ACER1: variants seen among roughly 807,000 people sequenced by gnomAD.
ACER1 encodes alkaline ceramidase 1, also known as CTB-180A7.3.
In ACER1, 28 loss-of-function variants were observed where a neutral mutation model predicts 24.9. That is an observed-to-expected ratio of 1.13 (90% CI 0.83 to 1.54). The LOEUF is 1.54. Ranked by LOEUF, ACER1 falls within the 40% of genes most tolerant of loss-of-function variation. The pLI is 0.00. For missense variants in ACER1, 352 were observed against 349.3 expected (o/e 1.01, Z -0.06); for synonymous variants, 132 against 131.4 (o/e 1.00, Z -0.03).
upstream of ACER1, chr19:6,333,650 G>A (rs558289679): frequency 3.4e-5 from 35 of 1,023,574 alleles, no homozygotes; most frequent in African/African-American, 3.2e-4. Flanking sequence ...ACAGCCCGGT[G>A]CCCCGCGGCA....
At chr19:6,349,177 G>A in the ACER1 span, among the ~76,000 whole-genome samples, 1 of 150,130 alleles carries the variant, frequency 6.7e-6, no homozygotes, top group South Asian at 2.1e-4. Flanking sequence ...GAAGAAGAAG[G>A]AGGAGGAGGA....
At chr19:6,342,737 A>G in the ACER1 span, among the ~76,000 whole-genome samples, 7 of 152,004 alleles carry the variant, frequency 4.6e-5, no homozygotes, top group Admixed American at 2.6e-4. Context: ...AAATAAATAA[A>G]TACAATAAAA....
At chr19:6,333,320 C>G in intron 1 of ACER1, 139 bp downstream of exon 1, 1 of 627,202 alleles carries the variant, frequency 1.6e-6, no homozygotes, top group Non-Finnish European at 2.6e-6. Flanking sequence ...AAAGCTGGCA[C>G]TCTTTGGCTA....
chr19:6,356,503 G>A, the ACER1 span, among the ~76,000 whole-genome samples: 8 of 151,818 alleles, frequency 5.3e-5, no homozygotes, highest in East Asian at 1.9e-4. Context: ...TAAATAAATA[G>A]ACTGGACACC....
upstream of ACER1, among the ~76,000 whole-genome samples, chr19:6,335,886 CTTTT>C (rs936711760): frequency 6.7e-6 from 1 of 148,638 alleles, no homozygotes; most frequent in Non-Finnish European, 1.5e-5. Context: ...TTTTCTTTTT[CTTTT>C]TTTTCTTTTT....
At chr19:6,347,502 G>A in the ACER1 span, among the ~76,000 whole-genome samples, 10 of 139,170 alleles carry the variant, frequency 7.2e-5, no homozygotes, top group South Asian at 8.3e-4. Context: ...TTATAGGTAC[G>A]AGCCACTGTG....
chr19:6,333,917 T>A (rs1372100242), upstream of ACER1, among the ~76,000 whole-genome samples: 1 of 152,148 alleles, frequency 6.6e-6, no homozygotes, highest in Non-Finnish European at 1.5e-5. Flanking sequence ...CCTTGCTCTG[T>A]TGCTCAGGCT....
intron 1 of ACER1, 70 bp downstream of exon 1, chr19:6,333,389 G>C (rs1054191621): frequency 2.3e-6 from 3 of 1,322,544 alleles, no homozygotes; most frequent in Admixed American, 4.3e-5. Flanking sequence ...TCCCCAGTAA[G>C]GCTGTATGGG....
At chr19:6,321,871 CA>C (rs1243578734) in intron 1 of ACER1, among the ~76,000 whole-genome samples, 1 of 151,874 alleles carries the variant, frequency 6.6e-6, no homozygotes, top group Non-Finnish European at 1.5e-5. Context: ...CACGGCCTCC[CA>C]AAGTACTGGG....
In ACER1 at chr19:6,331,087, A is replaced by C. The variant is rs551243286; in HGVS notation, c.93+2372T>G. 5.4e-5 allele frequency among the ~76,000 whole-genome samples: 8 copies of C among 148,718 alleles called. No individual in the cohort carries two copies. The South Asian group carries it at 1.5e-3, about 27-fold the overall frequency. The stretch of plus-strand genomic sequence containing the variant: ...TAGATTGCATCTAACTCCCCATGTC[A>C]CTGTGCAGATTAAAGGAGGTGTTTC... On this transcript the variant is annotated intron_variant, in intron 1 of 5. Transcript: ENST00000301452.
the ACER1 span, among the ~76,000 whole-genome samples, chr19:6,359,917 C>T: frequency 6.6e-6 from 1 of 152,112 alleles, no homozygotes; most frequent in Non-Finnish European, 1.5e-5. Flanking sequence ...ATTTAATGAG[C>T]ACCTACTGTG....
the ACER1 span, among the ~76,000 whole-genome samples, chr19:6,347,131 T>TATATATATAA: frequency 2.6e-3 from 349 of 134,442 alleles, 1 homozygote; most frequent in South Asian, 8.1e-3. Context: ...TATATATATA[T>TATATATATAA]AAAATAATAA....
the ACER1 span, among the ~76,000 whole-genome samples, chr19:6,352,402 A>G: frequency 0.26 from 39,846 of 152,052 alleles, 7,242 homozygotes; most frequent in African/African-American, 0.51. Context: ...GGGAGCCCAA[A>G]CAGCCATGTG....
intron 1 of ACER1, among the ~76,000 whole-genome samples, chr19:6,316,528 A>C (rs1037182010): frequency 6.6e-6 from 1 of 152,060 alleles, no homozygotes; most frequent in Admixed American, 6.6e-5. Flanking sequence ...GAAACAGAAA[A>C]TCAAATATCG....
At chr19:6,356,330 A>G in the ACER1 span, among the ~76,000 whole-genome samples, 1 of 149,198 alleles carries the variant, frequency 6.7e-6, no homozygotes, top group Non-Finnish European at 1.5e-5. Flanking sequence ...GGACACAAAC[A>G]CTGCGGAAGG....
chr19:6,355,473 A>G, the ACER1 span, among the ~76,000 whole-genome samples: 3 of 144,546 alleles, frequency 2.1e-5, no homozygotes, highest in African/African-American at 5.4e-5. Flanking sequence ...CCGCCTGGCA[A>G]CCGCCCCATA....
chr19:6,317,759 T>G (rs1007184367), intron 1 of ACER1, among the ~76,000 whole-genome samples: 2 of 151,722 alleles, frequency 1.3e-5, no homozygotes, highest in African/African-American at 4.8e-5. Context: ...TGTTTTTGTG[T>G]TTTTTTTCTT....
chr19:6,328,560 T>C (rs998539905), intron 1 of ACER1, among the ~76,000 whole-genome samples: 1 of 150,086 alleles, frequency 6.7e-6, no homozygotes, highest in African/African-American at 2.5e-5. Flanking sequence ...ACAGAAAAGG[T>C]TGGCCCTGGG....
chr19:6,333,933 A>G (rs773562346), upstream of ACER1, among the ~76,000 whole-genome samples: 23 of 152,072 alleles, frequency 1.5e-4, no homozygotes, highest in Non-Finnish European at 2.9e-4. Context: ...AGGCTGGGGT[A>G]CAGTGGCATC....
Sources: allele counts gnomAD v4.1 joint callset (sites outside exome capture counted in the v4.1 genomes callset), GRCh38; gene constraint gnomAD v4.1.1; transcripts MANE v1.5; gene names NCBI Gene and HGNC (gene_info 2026-07-23, HGNC 2026-07-21).